Variants in NOL10 observed in about 807,000 individuals in gnomAD.
NOL10 encodes H_NH0074G24.1.
Under a neutral mutation model 103.5 loss-of-function variants are expected in NOL10, and 58 were observed. The ratio of observed to expected loss-of-function variants is 0.56; its 90% confidence interval spans 0.45 to 0.70. The LOEUF is 0.70. Ranked by LOEUF, NOL10 falls within the 30% of genes least tolerant of loss-of-function variation. The probability of loss-of-function intolerance (pLI) is 0.00; values close to 1 mark genes in which losing one functional copy is unlikely to be tolerated. For synonymous variants in NOL10, 287 were observed against 282.5 expected (o/e 1.02, Z -0.16); for missense variants, 763 against 807.3 (o/e 0.95, Z 0.67).
intron 11 of NOL10, among the ~76,000 whole-genome samples, chr2:10,656,092 T>A (rs1199993708): frequency 2.6e-5 from 4 of 152,210 alleles, no homozygotes; most frequent in Non-Finnish European, 5.9e-5. Context: ...GAAAGATACA[T>A]CCAGATTGCT....
chr2:10,609,812 C>CTAT (rs1428049322), intron 13 of NOL10, among the ~76,000 whole-genome samples: 4 of 152,090 alleles, frequency 2.6e-5, no homozygotes, highest in East Asian at 1.9e-4. Flanking sequence ...TCAAAGTATG[C>CTAT]TATTATTGCT....
At chr2:10,625,950 G>A (rs973825616) in intron 13 of NOL10, among the ~76,000 whole-genome samples, 1 of 152,070 alleles carries the variant, frequency 6.6e-6, no homozygotes, top group African/African-American at 2.4e-5. Context: ...AAGATGGGAG[G>A]ATCCCTTTAG....
At chr2:10,685,405 A>T (rs1189810362) in intron 1 of NOL10, among the ~76,000 whole-genome samples, 2 of 141,644 alleles carry the variant, frequency 1.4e-5, no homozygotes, top group African/African-American at 5.2e-5. Context: ...AGGAAGGGGA[A>T]TCACTTGAAC....
chr2:10,657,827 G>C lies in NOL10; in HGVS notation c.821C>G (p.Pro274Arg), dbSNP rs1679946730. The C allele has an allele frequency of 6.4e-7, 1 of 1,550,608 alleles. No individual in the cohort carries two copies. Among genetic ancestry groups the C allele is most frequent in the Non-Finnish European group, 8.7e-7 (1 of 1,146,298 alleles). ...ATCCTGGAAATGAACGGACTTAATGGGCAGCCCATACTGGTGATCTTTAAC... is the reference window on the plus strand; with the variant it reads ...ATCCTGGAAATGAACGGACTTAATGCGCAGCCCATACTGGTGATCTTTAAC... ...LLVKDHQYGL[P>R]IKSVHFQDSL... Residue 274 changes from proline (P) to arginine (R), a missense_variant, in exon 11 of 21, where the codon CCC becomes CGC. By Grantham distance (103) the Pro-to-Arg change is moderately radical (BLOSUM62 -2). Transcript: ENST00000381685.
intron 13 of NOL10, among the ~76,000 whole-genome samples, chr2:10,620,995 T>C (rs1677111247): frequency 6.6e-6 from 1 of 152,122 alleles, no homozygotes; most frequent in South Asian, 2.1e-4. Context: ...GGTTTTGCCA[T>C]GTTGGCCAGG....
At position 10,664,232 on chromosome 2, in the gene NOL10, A is replaced by C. The variant is rs566726737; in HGVS notation, c.592-1188T>G. The stretch of plus-strand genomic sequence containing the variant: ...GATCACCTGAGGTCAGGAGTTCGAG[A>C]CCAGCCTGGCCAATGGTGAAACCCC... On this transcript the variant is annotated intron_variant, in intron 8 of 20. Coordinates refer to ENST00000381685, the MANE Select transcript of NOL10 (RefSeq NM_024894.4). Among the ~76,000 whole-genome samples, 5 of 152,170 alleles carry C rather than the reference A, an allele frequency of 3.3e-5. No homozygotes were observed. In the South Asian group the frequency reaches 1.0e-3, roughly 32 times the overall value.
Position 10,571,935 on chromosome 2 carries a change from A to G in NOL10, c.*136T>C, listed in dbSNP as rs1461416800. On this transcript the variant is annotated 3_prime_UTR_variant, in exon 21 of 21. Transcript: ENST00000381685. ...CCAACCCACAAGGCACAGGTTTTCA[A>G]ATCTTTACCTCTGTGTACAAGAACG... 9.1e-7 allele frequency: 1 copy of G among 1,095,130 alleles called. No individual in the cohort carries two copies. Among genetic ancestry groups the G allele is most frequent in the African/African-American group, 1.6e-5 (1 of 63,374 alleles). 67.8% of individuals were successfully genotyped at this position (1,095,130 alleles called of 1,614,324 possible).
chr2:10,623,165 C>A (rs1483497496), intron 13 of NOL10, among the ~76,000 whole-genome samples: 1 of 152,044 alleles, frequency 6.6e-6, no homozygotes, highest in Non-Finnish European at 1.5e-5. Flanking sequence ...TGATTTCAGT[C>A]CCTTGAATAA....
At position 10,685,385 on chromosome 2, in the gene NOL10, C is replaced by T. The variant is rs149477492; in HGVS notation, c.67-773G>A. ...GTGGGCACCTGTAATCCCAGCTACT[C>T]GGGAGGCTGAGGAAGGGGAATCACT... On this transcript the variant is annotated intron_variant, in intron 1 of 20. Coordinates refer to ENST00000381685, the MANE Select transcript of NOL10 (RefSeq NM_024894.4). 7.3e-4 allele frequency among the ~76,000 whole-genome samples: 109 copies of T among 148,344 alleles called. 1 individual carries two copies. The highest frequency in any genetic ancestry group is 2.6e-3 in the African/African-American group (104 of 40,256).
chr2:10,652,924 G>A (rs968013103), intron 12 of NOL10, among the ~76,000 whole-genome samples: 1 of 152,140 alleles, frequency 6.6e-6, no homozygotes, highest in Non-Finnish European at 1.5e-5. Context: ...GGCCAGGCGC[G>A]GCGGCTCACA....
At chr2:10,678,005 A>G (rs1681448651) in intron 3 of NOL10, among the ~76,000 whole-genome samples, 1 of 151,972 alleles carries the variant, frequency 6.6e-6, no homozygotes, top group Non-Finnish European at 1.5e-5. Context: ...TATACATAAA[A>G]CTTTTAATAT....
At chr2:10,577,809 G>T in intron 19 of NOL10, 71 bp from the exon 20 acceptor site, 1 of 975,404 alleles carries the variant, frequency 1.0e-6, no homozygotes, top group Non-Finnish European at 1.6e-6. Context: ...AACAAGTTTT[G>T]ATTAGAATTG....
intron 13 of NOL10, among the ~76,000 whole-genome samples, chr2:10,616,217 ATTTTTTTTTTT>A (rs533351651): frequency 3.6e-4 from 34 of 95,600 alleles, no homozygotes; most frequent in South Asian, 2.1e-3. Flanking sequence ...ACCACCCTGC[ATTTTTTTTTTT>A]TTTTTTTTTT....
intron 11 of NOL10, among the ~76,000 whole-genome samples, chr2:10,655,715 T>C (rs1679802351): frequency 6.6e-6 from 1 of 152,212 alleles, no homozygotes; most frequent in East Asian, 1.9e-4. Context: ...CTGTAGCAAT[T>C]ACAGTGTGAT....
intron 8 of NOL10, among the ~76,000 whole-genome samples, chr2:10,665,864 A>G (rs749288372): frequency 3.3e-5 from 5 of 152,192 alleles, no homozygotes; most frequent in Non-Finnish European, 4.4e-5. Context: ...CCCATTTCAA[A>G]TATTAATCTT....
rs778545937 is a variant in NOL10, at chr2:10,572,163, C to A, written c.1975G>T (p.Ala659Ser). The A allele has an allele frequency of 1.2e-6, 2 of 1,613,946 alleles. No individual in the cohort carries two copies. Among genetic ancestry groups the A allele is most frequent in the African/African-American group, 1.3e-5 (1 of 75,028 alleles). ...RSEQQKKQQE[A>S]EKLHRQERKR... ...CTTTCTTGTCGATGCAGTTTCTCAG[C>A]CTCCTGTTGCTTCTTCTGCTGTTCA... The change falls in exon 21 of 21, where the codon GCT (alanine) becomes TCT (serine). Residue 659 changes from alanine to serine, a missense_variant. Ala to Ser is a moderately conservative substitution (Grantham distance 99). Transcript: ENST00000381685.
At chr2:10,583,027 T>C (rs1286863761) in intron 19 of NOL10, among the ~76,000 whole-genome samples, 1 of 152,222 alleles carries the variant, frequency 6.6e-6, no homozygotes, top group Non-Finnish European at 1.5e-5. Context: ...ATCCGCATAC[T>C]GGCCTTTTCC....
At chr2:10,674,947 G>C (rs545743401) in intron 4 of NOL10, among the ~76,000 whole-genome samples, 1 of 152,336 alleles carries the variant, frequency 6.6e-6, no homozygotes, top group Non-Finnish European at 1.5e-5. Context: ...CTCATGCCTG[G>C]AATTCCAGTA....
chr2:10,579,240 GTTA>G (rs1436467368), intron 19 of NOL10, among the ~76,000 whole-genome samples: 2 of 152,188 alleles, frequency 1.3e-5, no homozygotes, highest in East Asian at 3.8e-4. Context: ...AAGCAATAAT[GTTA>G]TTAAGAAGCA....
Sources: gnomAD v4.1 joint callset for allele counts (sites outside exome capture counted in the v4.1 genomes callset) on GRCh38, gnomAD v4.1.1 for gene constraint, MANE v1.5 for transcripts, NCBI Gene and HGNC (gene_info 2026-07-23, HGNC 2026-07-21) for gene names.